The following NEMF variants were observed in gnomAD, a reference collection of about 807,000 sequenced individuals.
NEMF encodes the protein nuclear export mediator factor.
A neutral mutation model predicts 162.2 loss-of-function variants in NEMF; 89 were observed. The ratio of observed to expected loss-of-function variants is 0.55; its 90% CI spans 0.46 to 0.65. The LOEUF is 0.65. NEMF is among the 30% of genes least tolerant of loss of function. The probability of loss-of-function intolerance (pLI) is 0.00; values close to 1 mark genes in which losing one functional copy is unlikely to be tolerated. For synonymous variants in NEMF, 421 were observed against 404.5 expected (o/e 1.04, Z -0.49); for missense variants, 1,133 against 1,261.9 (o/e 0.90, Z 1.55).
chr14:49,832,092 G>A lies in NEMF; in HGVS notation c.841C>T (p.His281Tyr), dbSNP rs983997038. ...AATTCTATATATGGACATTGTGAATGTTGAGAAAACAAGAAAGGATGAAAT... is the reference window on the plus strand; with the variant it reads ...AATTCTATATATGGACATTGTGAATATTGAGAAAACAAGAAAGGATGAAAT... ...EEFHPFLFSQ[H>Y]SQCPYIEFES... The change falls in exon 10 of 33, where the codon CAT becomes TAT. Residue 281 changes from histidine (H) to tyrosine (Y), a missense_variant. His to Tyr is a moderately conservative substitution (Grantham distance 83). Around this residue, in one of 3 missense-constraint regions of NEMF, gnomAD observed 582 missense variants for 631.5 expected, o/e 0.92. Transcript: ENST00000298310. 1.2e-6 allele frequency: 2 copies of A among 1,607,234 alleles called. No homozygotes were observed. The highest frequency in any genetic ancestry group is 1.7e-4 in the Middle Eastern group (1 of 6,022).
chr14:49,834,708 C>T (rs1165617580), intron 6 of NEMF, among the ~76,000 whole-genome samples: 1 of 152,108 alleles, frequency 6.6e-6, no homozygotes, highest in Admixed American at 6.6e-5. Flanking sequence ...GTCTCGAACT[C>T]CTAACCTCAG....
Position 49,846,205 on chromosome 14 carries a change from T to C in NEMF, c.292A>G (p.Ile98Val). 1 of 1,613,816 alleles carries C rather than the reference T, an allele frequency of 6.2e-7. No homozygotes were observed. The highest frequency in any genetic ancestry group is 1.7e-5 in the Admixed American group (1 of 60,014). ...TCACTTCCAAATTGAAAATCTACAA[T>C]TCTATCCACACCAAGCTGTTTTGCA... ...VSAKQLGVDR[I>V]VDFQFGSDEA... Residue 98 changes from isoleucine (I) to valine (V), a missense_variant, in exon 4 of 33, where the codon ATT becomes GTT. By Grantham distance (29) the Ile-to-Val change is conservative. Around this residue, in one of 3 missense-constraint regions of NEMF, gnomAD observed 582 missense variants for 631.5 expected, o/e 0.92. Transcript: ENST00000298310.
At chr14:49,829,762 G>A (rs1202740450) in intron 11 of NEMF, among the ~76,000 whole-genome samples, 1 of 152,154 alleles carries the variant, frequency 6.6e-6, no homozygotes, top group African/African-American at 2.4e-5. Context: ...AAGTTTGGGA[G>A]AACGAATTCT....
At chr14:49,843,170 T>G (rs1033627100) in intron 4 of NEMF, among the ~76,000 whole-genome samples, 45 of 151,808 alleles carry the variant, frequency 3.0e-4, no homozygotes, top group Non-Finnish European at 3.7e-4. Context: ...AAGGGAATTT[T>G]CAACATCAAT....
intron 4 of NEMF, among the ~76,000 whole-genome samples, chr14:49,845,579 T>G (rs559698638): frequency 5.3e-5 from 8 of 152,342 alleles, no homozygotes; most frequent in Non-Finnish European, 8.8e-5. Flanking sequence ...TGTACAATAC[T>G]TTCTTTCTTT....
chr14:49,833,463 G>A lies in NEMF; in HGVS notation c.695C>T (p.Ala232Val). The change falls in exon 8 of 33, where the codon GCA becomes GTA. Residue 232 changes from alanine (A) to valine (V), a missense_variant. Physicochemically the swap from Ala to Val is moderately conservative, Grantham distance 64. Transcript: ENST00000298310. ...GGATGTTGTTTTCATATAGTCTTCT[G>A]CTTTCTGCAGAGAAACAAGTACTTT... is the stretch of plus-strand genomic sequence containing the variant. ...IEKVLVSLQK[A>V]EDYMKTTSNF... is the part of the protein sequence containing the mutation. 1 of 1,586,586 alleles carries A rather than the reference G, an allele frequency of 6.3e-7. No individual in the cohort carries two copies. Among genetic ancestry groups the A allele is most frequent in the Non-Finnish European group, 8.6e-7 (1 of 1,161,258 alleles).
intron 3 of NEMF, among the ~76,000 whole-genome samples, chr14:49,849,153 C>G (rs1450050569): frequency 6.6e-6 from 1 of 152,146 alleles, no homozygotes; most frequent in Non-Finnish European, 1.5e-5. Context: ...TTTGATTAAA[C>G]AGTAACCTAC....
chr14:49,810,623 C>T (rs933344135), intron 18 of NEMF, among the ~76,000 whole-genome samples: 4 of 152,068 alleles, frequency 2.6e-5, no homozygotes, highest in South Asian at 2.1e-4. Context: ...ATACTGCTTT[C>T]GCTAATCTGA....
chr14:49,789,406 A>G, intron 27 of NEMF, 63 bp from the exon 28 acceptor site: 1 of 1,610,322 alleles, frequency 6.2e-7, no homozygotes, highest in Non-Finnish European at 8.5e-7. Flanking sequence ...TATTTTAACA[A>G]GAATGTATTG....
intron 16 of NEMF, among the ~76,000 whole-genome samples, chr14:49,825,599 AG>A (rs1892296927): frequency 6.6e-6 from 1 of 152,152 alleles, no homozygotes. Flanking sequence ...AGCTGGGCAC[AG>A]TGGCATGTGC....
rs1003342561 is a variant in NEMF, at chr14:49,783,096, C to T, written c.*1540G>A. On this transcript the variant is annotated 3_prime_UTR_variant, in exon 33 of 33. Transcript: ENST00000298310. ...TGTGCATGTGAATGGCCTAGAGAAC[C>T]TATTTTTGTGTCTAAAGTTTACAAT... is the stretch of plus-strand genomic sequence containing the variant. 4 of 690,376 alleles carry T rather than the reference C, an allele frequency of 5.8e-6. No individual in the cohort carries two copies. The highest frequency in any genetic ancestry group is 6.7e-6 in the Non-Finnish European group (3 of 447,386). The allele number at this position is 690,376 out of a possible 1,614,324, so 42.8% of individuals were successfully genotyped here.
In NEMF at chr14:49,799,682, T is replaced by C. The variant is rs761979021; in HGVS notation, c.2373-4A>G. 5 of 1,609,700 alleles carry C rather than the reference T, an allele frequency of 3.1e-6. No individual in the cohort carries two copies. The highest frequency in any genetic ancestry group is 4.2e-6 in the Non-Finnish European group (5 of 1,178,136). On this transcript the variant is annotated splice_region_variant and splice_polypyrimidine_tract_variant and intron_variant, in intron 23 of 32. Transcript: ENST00000298310. ...TGAAGCCAATTTCTGGATGGACCTA[T>C]GAAAATAAACACAAGGGAGTCTCTA...
chr14:49,789,389 C>T (rs2139826222), intron 27 of NEMF, 46 bp from the exon 28 acceptor site: 1 of 1,611,360 alleles, frequency 6.2e-7, no homozygotes, highest in Non-Finnish European at 8.5e-7. Context: ...ATTTTCAATA[C>T]TGTGAATATT....
rs35010591 is a variant in NEMF at position 49,783,369 on chromosome 14, GTT to G, written c.*1265_*1266del. ...GTGTTGTAAATACAATATAATAAAG[GTT>G]TTTTTTTTTAAACATTAATATTCAC... is the stretch of plus-strand genomic sequence containing the variant. On this transcript the variant is annotated 3_prime_UTR_variant, in exon 33 of 33. Transcript: ENST00000298310. 7.2e-4 allele frequency: 108 copies of G among 150,180 alleles called. No homozygotes were observed. Among genetic ancestry groups the G allele is most frequent in the African/African-American group, 2.2e-3 (88 of 40,774 alleles). The allele number at this position is 150,180 out of a possible 1,614,324, so 9.3% of individuals were successfully genotyped here. A position where few individuals can be genotyped will look rare whatever the true frequency, so the allele number is the denominator to read the frequency against.
intron 19 of NEMF, among the ~76,000 whole-genome samples, chr14:49,805,758 C>T (rs984600348): frequency 6.6e-6 from 1 of 151,584 alleles, no homozygotes; most frequent in Admixed American, 6.6e-5. Flanking sequence ...CTTCATTTAC[C>T]TCTCTGCTCA....
chr14:49,803,744 T>C (rs1052298472), intron 19 of NEMF, among the ~76,000 whole-genome samples: 1 of 152,066 alleles, frequency 6.6e-6, no homozygotes, highest in African/African-American at 2.4e-5. Context: ...CAGGCTGGTC[T>C]TGAACTCCTA....
At chr14:49,811,233 T>A (rs987603024) in intron 18 of NEMF, among the ~76,000 whole-genome samples, 1 of 152,250 alleles carries the variant, frequency 6.6e-6, no homozygotes, top group African/African-American at 2.4e-5. Flanking sequence ...AATTGTTTTA[T>A]TAATTTCCTT....
chr14:49,834,523 T>C, intron 6 of NEMF, 74 bp from the exon 7 acceptor site: 3 of 1,087,806 alleles, frequency 2.8e-6, no homozygotes, highest in East Asian at 2.5e-5. Flanking sequence ...TGAGATGGAG[T>C]TTTACCCGTC....
intron 4 of NEMF, among the ~76,000 whole-genome samples, chr14:49,843,086 A>G (rs748430770): frequency 4.6e-5 from 7 of 152,188 alleles, no homozygotes; most frequent in Non-Finnish European, 8.8e-5. Context: ...ACAAATAATC[A>G]GCAAAGGGCT....
Sources: allele counts gnomAD v4.1 joint callset (sites outside exome capture counted in the v4.1 genomes callset), GRCh38; gene constraint gnomAD v4.1.1; regional missense constraint gnomAD v4.1.1; transcripts MANE v1.5; gene names NCBI Gene and HGNC (gene_info 2026-07-23, HGNC 2026-07-21).